The following NSUN7 variants were observed in gnomAD, a reference collection of about 807,000 sequenced individuals.
NSUN7 encodes the protein protein NSUN7.
A neutral mutation model predicts 58.5 loss-of-function variants in NSUN7; 39 were observed. The observed-to-expected ratio is 0.67, with a 90% confidence interval of 0.52 to 0.87. The LOEUF (loss-of-function observed/expected upper bound fraction) is 0.87, where lower values mean the gene tolerates loss of function less well. NSUN7 is among the 40% of genes least tolerant of loss of function. The pLI is 0.00. For missense variants in NSUN7, 765 were observed against 844.1 expected, an observed-to-expected ratio of 0.91 and a Z score of 1.16; for synonymous variants, 278 against 303.7, an observed-to-expected ratio of 0.92 and a Z score of 0.88.
chr4:40,808,405 G>A lies in NSUN7; in HGVS notation c.1623G>A (p.Arg541=), dbSNP rs1381299602. 16 of 1,613,810 alleles carry A rather than the reference G, an allele frequency of 9.9e-6. 1 individual carries two copies. In the South Asian group the frequency reaches 1.6e-4, roughly 17 times the overall value. Reference sequence around the variant, plus strand: ...TTGAGTTGGGTAAATCATCAAAACGGGAGAAGAAGAAGAAAAAATCAAAAA... The same window carrying A: ...TTGAGTTGGGTAAATCATCAAAACGAGAGAAGAAGAAGAAAAAATCAAAAA... ...DGIELGKSSK[R]EKKKKKSKTS... The change falls in exon 12 of 12, where the codon CGG becomes CGA. Residue 541 remains arginine (R), a synonymous_variant. Coordinates refer to ENST00000381782, the MANE Select transcript of NSUN7 (RefSeq NM_024677.6).
At position 40,775,160 on chromosome 4, in the gene NSUN7, A is replaced by G. The variant is rs1354848459; in HGVS notation, c.825+210A>G. The G allele has an allele frequency of 1.1e-5, 3 of 263,930 alleles. No individual in the cohort carries two copies. The highest frequency in any genetic ancestry group is 2.1e-5 in the Non-Finnish European group (3 of 141,176). The allele number at this position is 263,930 out of a possible 1,614,324, so 16.3% of individuals were successfully genotyped here. A position where few individuals can be genotyped will look rare whatever the true frequency, so the allele number is the denominator to read the frequency against. On this transcript the variant is annotated intron_variant, in intron 6 of 11. Transcript: ENST00000381782. The surrounding 1 kb of genome is among the most constrained non-coding windows in gnomAD (Gnocchi z 4.3). ...TGTCTCATGTGAATTTATAAAGAAC[A>G]TATTCTTCTCCCAGATTCCATGAAT...
In NSUN7 at chr4:40,769,600, G is replaced by A. The variant is rs571994776; in HGVS notation, c.489-4665G>A. On this transcript the variant is annotated intron_variant, in intron 4 of 11. Coordinates refer to ENST00000381782, the MANE Select transcript of NSUN7 (RefSeq NM_024677.6). ...TCTTCTTTATTGTATTAAGTGGCCA[G>A]GTGATTTACATTGACTGGTTTATGA... 8.5e-5 allele frequency among the ~76,000 whole-genome samples: 13 copies of A among 152,276 alleles called. No individual in the cohort carries two copies. The East Asian group carries it at 2.5e-3, about 29-fold the overall frequency.
At chr4:40,772,522 T>C (rs927024460) in intron 4 of NSUN7, among the ~76,000 whole-genome samples, 1 of 152,172 alleles carries the variant, frequency 6.6e-6, no homozygotes, top group African/African-American at 2.4e-5. Flanking sequence ...CCCTTCCCTT[T>C]CCTTACCAAG....
At chr4:40,766,473 A>T (rs1741733111) in intron 4 of NSUN7, among the ~76,000 whole-genome samples, 1 of 151,832 alleles carries the variant, frequency 6.6e-6, no homozygotes, top group South Asian at 2.1e-4. Context: ...GTGCTGCTGG[A>T]TTCGGTTTGC....
At chr4:40,803,961 T>G (rs1443995999) in intron 10 of NSUN7, among the ~76,000 whole-genome samples, 1 of 151,812 alleles carries the variant, frequency 6.6e-6, no homozygotes, top group Non-Finnish European at 1.5e-5. Flanking sequence ...ACTCAGGAGG[T>G]CAAGGCTGTA....
chr4:40,785,323 G>GA (rs1212982428), intron 7 of NSUN7, among the ~76,000 whole-genome samples: 1 of 150,794 alleles, frequency 6.6e-6, no homozygotes, highest in Non-Finnish European at 1.5e-5. Context: ...AGAAATCAGG[G>GA]AAAAAAAGAA....
At chr4:40,751,211 C>T (rs555443016) in intron 2 of NSUN7, among the ~76,000 whole-genome samples, 3 of 152,274 alleles carry the variant, frequency 2.0e-5, no homozygotes, top group Non-Finnish European at 4.4e-5. Flanking sequence ...TGTGTTTGTC[C>T]TTAGATCGGT....
chr4:40,786,047 C>T (rs1472639332), intron 7 of NSUN7: 1 of 1,520,240 alleles, frequency 6.6e-7, no homozygotes, highest in Non-Finnish European at 8.8e-7. Context: ...GATCAGTTAC[C>T]AGGAGAAGTT....
chr4:40,806,993 T>C (rs1743831802), intron 10 of NSUN7, 68 bp from the exon 11 acceptor site: 1 of 1,498,942 alleles, frequency 6.7e-7, no homozygotes, highest in African/African-American at 1.4e-5. Flanking sequence ...TGTAGTGTAA[T>C]TTACTTTCTT....
chr4:40,788,067 T>C (rs1168952357), intron 7 of NSUN7, among the ~76,000 whole-genome samples: 1 of 152,146 alleles, frequency 6.6e-6, no homozygotes, highest in Non-Finnish European at 1.5e-5. Flanking sequence ...ACTCCCGACC[T>C]CGTGATCCGC....
chr4:40,779,177 C>T (rs1166700590), intron 7 of NSUN7, among the ~76,000 whole-genome samples: 3 of 151,920 alleles, frequency 2.0e-5, no homozygotes, highest in African/African-American at 7.3e-5. Flanking sequence ...AAAAAAATAG[C>T]TGGATGTAGT....
At chr4:40,754,732 A>T (rs1290877302) in intron 2 of NSUN7, among the ~76,000 whole-genome samples, 1 of 152,222 alleles carries the variant, frequency 6.6e-6, no homozygotes, top group Non-Finnish European at 1.5e-5. Flanking sequence ...ATTAAATCAC[A>T]TTACCATAAT....
intron 1 of NSUN7, 92 bp from the exon 2 acceptor site, chr4:40,750,511 C>G: frequency 5.0e-6 from 3 of 598,990 alleles, no homozygotes; most frequent in Non-Finnish European, 8.6e-6. Flanking sequence ...GGGAAATGCT[C>G]CCTCTTAGTC....
intron 8 of NSUN7, among the ~76,000 whole-genome samples, chr4:40,794,140 A>G (rs376680300): frequency 1.3e-5 from 2 of 152,168 alleles, no homozygotes; most frequent in East Asian, 1.9e-4. Flanking sequence ...TTGGAGAAAA[A>G]CAATATTAAA....
At chr4:40,756,574 T>C (rs1247242139) in intron 2 of NSUN7, among the ~76,000 whole-genome samples, 2 of 152,214 alleles carry the variant, frequency 1.3e-5, no homozygotes, top group African/African-American at 2.4e-5. Context: ...GGCAGCATAA[T>C]GTTGTGAAGT....
At chr4:40,806,711 C>G (rs1743819015) in intron 10 of NSUN7, among the ~76,000 whole-genome samples, 1 of 152,142 alleles carries the variant, frequency 6.6e-6, no homozygotes, top group African/African-American at 2.4e-5. Flanking sequence ...TTTTGGATAA[C>G]TGTGATTAAT....
chr4:40,751,847 T>C (rs1740851878), intron 2 of NSUN7, among the ~76,000 whole-genome samples: 1 of 152,112 alleles, frequency 6.6e-6, no homozygotes, highest in South Asian at 2.1e-4. Context: ...AATTTAAAAA[T>C]TAGCCCAGTA....
chr4:40,756,715 T>G (rs1741160758), intron 2 of NSUN7, among the ~76,000 whole-genome samples: 1 of 152,206 alleles, frequency 6.6e-6, no homozygotes, highest in Non-Finnish European at 1.5e-5. Context: ...TTCATATGGT[T>G]GTTGTGGAGA....
At position 40,808,727 on chromosome 4, in the gene NSUN7, A is replaced by G. The variant is rs145865494; in HGVS notation, c.1945A>G (p.Ile649Val). The G allele has an allele frequency of 8.5e-5, 132 of 1,550,818 alleles. No individual in the cohort carries two copies. In the African/African-American group the frequency reaches 1.6e-3, roughly 19 times the overall value. Residue 649 changes from isoleucine (I) to valine (V), a missense_variant, in exon 12 of 12, where the codon ATC becomes GTC. By Grantham distance (29) the Ile-to-Val change is conservative (BLOSUM62 3). Transcript: ENST00000381782. ...PEDRMVALKP[I>V]KIVLPPVFMP... ...AGACAGAATGGTTGCTCTGAAACCC[A>G]TCAAGATTGTTCTGCCTCCAGTCTT...
Sources: gnomAD v4.1 joint callset for allele counts (sites outside exome capture counted in the v4.1 genomes callset) on GRCh38, gnomAD v4.1.1 for gene constraint, Gnocchi (gnomAD v3.1) non-coding constraint, MANE v1.5 for transcripts, NCBI Gene and HGNC (gene_info 2026-07-23, HGNC 2026-07-21) for gene names.